Variants in UGT8 observed in about 807,000 individuals in gnomAD.
The protein encoded by UGT8 is 2-hydroxyacylsphingosine 1-beta-galactosyltransferase.
A neutral mutation model predicts 40.5 loss-of-function variants in UGT8; 12 were observed. The ratio of observed to expected loss-of-function variants is 0.30; its 90% confidence interval spans 0.19 to 0.48. The LOEUF (loss-of-function observed/expected upper bound fraction) is 0.48, where lower values mean the gene tolerates loss of function less well. Ranked by LOEUF, UGT8 falls within the 20% of genes least tolerant of loss-of-function variation. The pLI, the probability that UGT8 is intolerant of heterozygous loss-of-function variation, is 0.99. For missense variants in UGT8, 513 were observed against 648.7 expected (o/e 0.79, Z 2.27); for synonymous variants, 224 against 240.4 (o/e 0.93, Z 0.63).
At position 114,611,457 on chromosome 4, in the gene UGT8, C is replaced by CACAG. The variant is rs1553931536; in HGVS notation, c.-2-11421_-2-11420insCAGA. ...ATATATATATATATACACACACACA[C>CACAG]AGAGATATTAGATATATATAATATC... On this transcript the variant is annotated intron_variant, in intron 1 of 5. Coordinates refer to ENST00000310836, the MANE Select transcript of UGT8 (RefSeq NM_001128174.3). Among the ~76,000 whole-genome samples, 432 of 118,346 alleles carry CACAG rather than the reference C, an allele frequency of 3.7e-3. 4 individuals carry two copies. Among genetic ancestry groups the CACAG allele is most frequent in the Middle Eastern group, 4.6e-3 (1 of 218 alleles). 77.6% of individuals were successfully genotyped at this position (118,346 alleles called of 152,430 possible). A position where few individuals can be genotyped will look rare whatever the true frequency, so the allele number is the denominator to read the frequency against.
chr4:114,664,872 A>T (rs2126133064), intron 3 of UGT8, among the ~76,000 whole-genome samples: 1 of 152,314 alleles, frequency 6.6e-6, no homozygotes, highest in African/African-American at 2.4e-5. Flanking sequence ...CCCTTAAGCC[A>T]TTGCAAGTAG....
At position 114,657,609 on chromosome 4, in the gene UGT8, T is replaced by C. The variant is rs77257115; in HGVS notation, c.823-6386T>C. Among the ~76,000 whole-genome samples the C allele has an allele frequency of 3.6e-3, 545 of 152,324 alleles. 6 individuals carry two copies. Among genetic ancestry groups the C allele is most frequent in the African/African-American group, 0.012 (511 of 41,572 alleles). Reference sequence around the variant, plus strand: ...TTGGTACTACTTTTCATTTATGTATTTTAAACAACTTTATTCTGAAAAGTC... The same window carrying C: ...TTGGTACTACTTTTCATTTATGTATCTTAAACAACTTTATTCTGAAAAGTC... On this transcript the variant is annotated intron_variant, in intron 2 of 5. Coordinates refer to ENST00000310836, the MANE Select transcript of UGT8 (RefSeq NM_001128174.3).
At chr4:114,627,507 C>A (rs903002335) in intron 2 of UGT8, among the ~76,000 whole-genome samples, 4 of 152,108 alleles carry the variant, frequency 2.6e-5, no homozygotes, top group African/African-American at 9.7e-5. Flanking sequence ...ATCTGCCCGT[C>A]TCGGCCTCCC....
chr4:114,669,929 T>A (rs1045612403), intron 5 of UGT8, among the ~76,000 whole-genome samples: 3 of 152,244 alleles, frequency 2.0e-5, no homozygotes, highest in Admixed American at 2.0e-4. Context: ...TCACTTATCT[T>A]TGTTTCCAAT....
At chr4:114,654,603 C>T (rs1469294839) in intron 2 of UGT8, among the ~76,000 whole-genome samples, 1 of 152,064 alleles carries the variant, frequency 6.6e-6, no homozygotes, top group Non-Finnish European at 1.5e-5. Flanking sequence ...TAGCTGTTGG[C>T]TGAGACTTTA....
chr4:114,653,387 C>CATTGACCTGGAAGGATCTATTTGAGTG (rs771033537), intron 2 of UGT8, among the ~76,000 whole-genome samples: 1 of 151,968 alleles, frequency 6.6e-6, no homozygotes, highest in Non-Finnish European at 1.5e-5. Flanking sequence ...TTGATATTGT[C>CATTGACCTGGAAGGATCTATTTGAGTG]ATTGACCTGG....
Position 114,664,051 on chromosome 4 carries a change from T to C in UGT8, c.879T>C (p.Phe293=). The change falls in exon 3 of 6, where the codon TTT becomes TTC. Residue 293 remains phenylalanine (F), a synonymous_variant. Coordinates refer to ENST00000310836, the MANE Select transcript of UGT8 (RefSeq NM_001128174.3). ...AACATGGCTTTGTCTTGGTGTCTTTTGGAGCTGGTGTCAAGTATCTGTCAG... is the reference window on the plus strand; with the variant it reads ...AACATGGCTTTGTCTTGGTGTCTTTCGGAGCTGGTGTCAAGTATCTGTCAG... ...ANEHGFVLVS[F]GAGVKYLSED... The C allele has an allele frequency of 6.2e-7, 1 of 1,614,136 alleles. No individual in the cohort carries two copies. The highest frequency in any genetic ancestry group is 8.5e-7 in the Non-Finnish European group (1 of 1,179,988).
chr4:114,670,660 T>G (rs1735204147), intron 5 of UGT8, among the ~76,000 whole-genome samples: 1 of 152,044 alleles, frequency 6.6e-6, no homozygotes, highest in Admixed American at 6.5e-5. Context: ...TGATGGAACA[T>G]ATCTCAAAAC....
intron 1 of UGT8, among the ~76,000 whole-genome samples, chr4:114,618,452 C>T (rs1014090432): frequency 6.6e-6 from 1 of 152,118 alleles, no homozygotes; most frequent in African/African-American, 2.4e-5. Flanking sequence ...TCAGTCATTC[C>T]ACTGTAGCCC....
In UGT8 at chr4:114,598,981, G is replaced by C. The variant is rs1032984384; in HGVS notation, c.-3+7G>C. On this transcript the variant is annotated splice_region_variant and intron_variant, in intron 1 of 5. Transcript: ENST00000310836. ...GGGGCAGCCAAGAGACGAGGTGAGC[G>C]GAGGGACCACGCCGTTCCAGAGGGC... The C allele has an allele frequency of 6.6e-6, 1 of 152,022 alleles. No homozygotes were observed. Among genetic ancestry groups the C allele is most frequent in the East Asian group, 1.9e-4 (1 of 5,134 alleles). 9.4% of individuals were successfully genotyped at this position (152,022 alleles called of 1,614,324 possible). A position where few individuals can be genotyped will look rare whatever the true frequency, so the allele number is the denominator to read the frequency against.
intron 1 of UGT8, among the ~76,000 whole-genome samples, chr4:114,621,139 CAT>C (rs572510090): frequency 1.2e-3 from 180 of 152,246 alleles, no homozygotes; most frequent in African/African-American, 4.3e-3. Flanking sequence ...CTTTATTACA[CAT>C]ATCTGTTAAC....
intron 2 of UGT8, among the ~76,000 whole-genome samples, chr4:114,627,255 CTTTTT>C (rs199675716): frequency 2.4e-5 from 3 of 126,798 alleles, no homozygotes; most frequent in African/African-American, 8.9e-5. Context: ...TGAATAGATT[CTTTTT>C]TTTTTTTTTT....
intron 1 of UGT8, among the ~76,000 whole-genome samples, chr4:114,618,244 G>A (rs1237619719): frequency 6.6e-6 from 1 of 152,112 alleles, no homozygotes; most frequent in African/African-American, 2.4e-5. Flanking sequence ...GAATGCAATG[G>A]ACATTTTTCT....
At chr4:114,615,144 T>C (rs1043580451) in intron 1 of UGT8, among the ~76,000 whole-genome samples, 1 of 152,148 alleles carries the variant, frequency 6.6e-6, no homozygotes, top group Non-Finnish European at 1.5e-5. Flanking sequence ...CTTTCTTTTT[T>C]TTCTCTCTTC....
At chr4:114,625,349 C>CA (rs1296106005) in intron 2 of UGT8, among the ~76,000 whole-genome samples, 5 of 151,730 alleles carry the variant, frequency 3.3e-5, no homozygotes. Context: ...CTTGTCTCTA[C>CA]AAAAAATAAA....
intron 1 of UGT8, among the ~76,000 whole-genome samples, chr4:114,607,116 CT>C (rs1327009310): frequency 6.6e-6 from 1 of 152,150 alleles, no homozygotes; most frequent in Non-Finnish European, 1.5e-5. Context: ...TATATTTCTA[CT>C]GTTTAGTTCT....
chr4:114,674,532 C>G (rs1735499776), intron 5 of UGT8, among the ~76,000 whole-genome samples: 1 of 152,156 alleles, frequency 6.6e-6, no homozygotes, highest in Non-Finnish European at 1.5e-5. Flanking sequence ...CTTTAACAGC[C>G]TGTCTCCCTG....
chr4:114,645,489 T>C (rs927984903), intron 2 of UGT8, among the ~76,000 whole-genome samples: 9 of 151,978 alleles, frequency 5.9e-5, no homozygotes, highest in Admixed American at 1.3e-4. Flanking sequence ...ATAGAGTTAA[T>C]TTTTTTTCAT....
chr4:114,657,833 C>CA (rs1294123906), intron 2 of UGT8, among the ~76,000 whole-genome samples: 1 of 152,066 alleles, frequency 6.6e-6, no homozygotes, highest in Non-Finnish European at 1.5e-5. Flanking sequence ...TTAATCTCTG[C>CA]AGTGTGCTTG....
Sources: gnomAD v4.1 joint callset for allele counts (sites outside exome capture counted in the v4.1 genomes callset) on GRCh38, gnomAD v4.1.1 for gene constraint, MANE v1.5 for transcripts, NCBI Gene and HGNC (gene_info 2026-07-23, HGNC 2026-07-21) for gene names.